The following SPEN variants were observed in gnomAD, a reference collection of about 807,000 sequenced individuals.
The protein encoded by SPEN is spen family transcriptional repressor.
SPEN carries 18 observed loss-of-function variants against 269.9 expected under a neutral mutation model. The observed-to-expected ratio is 0.07, with a 90% confidence interval of 0.05 to 0.10. The LOEUF is 0.10. SPEN is among the 10% of genes least tolerant of loss of function. The pLI, the probability that SPEN is intolerant of heterozygous loss-of-function variation, is 1.00. For missense variants in SPEN, 3,822 were observed against 4,631.2 expected, an observed-to-expected ratio of 0.83 and a Z score of 5.07; for synonymous variants, 1,726 against 1,765.7, an observed-to-expected ratio of 0.98 and a Z score of 0.56.
intron 4 of SPEN, 40 bp downstream of exon 4, chr1:15,909,521 C>A: frequency 6.3e-7 from 1 of 1,588,252 alleles, no homozygotes. Context: ...TGTGCTACTA[C>A]TGAGGAATGA....
chr1:15,889,534 A>G (rs2070770128), intron 3 of SPEN, among the ~76,000 whole-genome samples: 1 of 152,046 alleles, frequency 6.6e-6, no homozygotes, highest in East Asian at 1.9e-4. Context: ...CCCTCTATCA[A>G]TCTGTGTCTT....
rs764406021 is a variant in SPEN, at chr1:15,935,298, A to G, written c.9058A>G (p.Lys3020Glu). Residue 3020 changes from lysine to glutamate, a missense_variant, in exon 11 of 15, where the codon AAG becomes GAG. Physicochemically the swap from Lys to Glu is moderately conservative, Grantham distance 56. Around this residue, in one of 16 missense-constraint regions of SPEN, gnomAD observed 94 missense variants for 90.4 expected, o/e 1.04. Coordinates refer to ENST00000375759, the MANE Select transcript of SPEN (RefSeq NM_015001.3). This position sits in a 1 kb window ranked among gnomAD's most constrained non-coding sequence, Gnocchi z 7.7. ...AACTGTCTCCCATTTGGCAGCTGCA[A>G]AGCTAGATGCTCATTCTCCTCGACC... ...DRTVSHLAAA[K>E]LDAHSPRPSG... 9.9e-6 allele frequency: 16 copies of G among 1,614,066 alleles called. No homozygotes were observed. The highest frequency in any genetic ancestry group is 1.4e-5 in the Non-Finnish European group (16 of 1,179,998).
At chr1:15,859,935 G>T (rs1159334069) in intron 1 of SPEN, among the ~76,000 whole-genome samples, 3 of 57,686 alleles carry the variant, frequency 5.2e-5, no homozygotes, top group Non-Finnish European at 8.9e-5. Context: ...TTTTTGAGAC[G>T]GAGTCTTGCT....
At chr1:15,918,876 A>G in intron 6 of SPEN, 50 bp from the exon 7 acceptor site, 1 of 1,507,604 alleles carries the variant, frequency 6.6e-7, no homozygotes, top group Non-Finnish European at 9.1e-7. Flanking sequence ...GGTTCATTCT[A>G]ATTTATTTTC....
At chr1:15,852,132 A>G (rs1466091209) in intron 1 of SPEN, among the ~76,000 whole-genome samples, 1 of 152,228 alleles carries the variant, frequency 6.6e-6, no homozygotes, top group Non-Finnish European at 1.5e-5. Context: ...GGGACACAAT[A>G]TAAAATATTG....
At chr1:15,868,472 T>C (rs1465739114) in intron 1 of SPEN, among the ~76,000 whole-genome samples, 4 of 151,810 alleles carry the variant, frequency 2.6e-5, no homozygotes, top group Non-Finnish European at 5.9e-5. Context: ...TCTTGCTCTG[T>C]TGCCCAGGCT....
At chr1:15,857,716 A>G (rs945702362) in intron 1 of SPEN, among the ~76,000 whole-genome samples, 1 of 151,414 alleles carries the variant, frequency 6.6e-6, no homozygotes, top group African/African-American at 2.4e-5. Flanking sequence ...GTTGGAGTGT[A>G]ATGGCATAAT....
At position 15,926,384 on chromosome 1, in the gene SPEN, T is replaced by TACACAC. The variant is rs34826146; in HGVS notation, c.1851-1683_1851-1678dup. Among the ~76,000 whole-genome samples, 1,009 of 145,852 alleles carry TACACAC rather than the reference T, an allele frequency of 6.9e-3. 6 individuals carry two copies. The highest frequency in any genetic ancestry group is 0.021 in the Middle Eastern group (6 of 282). ...CTGCACTCCAGCTCAGATATATACA[T>TACACAC]ACACACACACACACACACACACACA... On this transcript the variant is annotated intron_variant, in intron 10 of 14. Coordinates refer to ENST00000375759, the MANE Select transcript of SPEN (RefSeq NM_015001.3).
In SPEN at chr1:15,931,098, C is replaced by T. The variant is rs765980299; in HGVS notation, c.4858C>T (p.Pro1620Ser). The change falls in exon 11 of 15, where the codon CCA (proline) becomes TCA (serine). Residue 1620 changes from proline to serine, a missense_variant. Transcript: ENST00000375759. This position sits in a 1 kb window ranked among gnomAD's most constrained non-coding sequence, Gnocchi z 4.8. ...QEDTENHPKT[P>S]ESAPENKDSE... ...AGATACAGAGAATCATCCCAAGACCCCAGAATCTGCTCCTGAGAATAAAGA... is the reference window on the plus strand; with the variant it reads ...AGATACAGAGAATCATCCCAAGACCTCAGAATCTGCTCCTGAGAATAAAGA... 1.2e-6 allele frequency: 2 copies of T among 1,614,124 alleles called. No homozygotes were observed. The highest frequency in any genetic ancestry group is 4.5e-5 in the East Asian group (2 of 44,884).
chr1:15,874,048 T>A, intron 2 of SPEN: 2 of 1,266,282 alleles, frequency 1.6e-6, no homozygotes, highest in South Asian at 2.8e-5. Flanking sequence ...TCCTCATTCG[T>A]TGGAATTGTA....
intron 3 of SPEN, among the ~76,000 whole-genome samples, chr1:15,881,720 T>A (rs1410485550): frequency 6.6e-6 from 1 of 152,228 alleles, no homozygotes; most frequent in African/African-American, 2.4e-5. Flanking sequence ...CATTATTCCC[T>A]TTTATCAGAT....
intron 1 of SPEN, among the ~76,000 whole-genome samples, chr1:15,857,228 C>A (rs1292463813): frequency 6.6e-6 from 1 of 152,110 alleles, no homozygotes; most frequent in Non-Finnish European, 1.5e-5. Context: ...CCATACTCGG[C>A]TAATTTTTGT....
intron 6 of SPEN, 80 bp from the exon 7 acceptor site, chr1:15,918,842 GAAAT>G (rs969650073): frequency 1.7e-6 from 2 of 1,171,610 alleles, no homozygotes; most frequent in African/African-American, 3.1e-5. Flanking sequence ...ACTTTTTTGA[GAAAT>G]AAATACCCTA....
intron 3 of SPEN, among the ~76,000 whole-genome samples, chr1:15,904,555 A>T (rs768145010): frequency 1.3e-5 from 2 of 151,006 alleles, no homozygotes; most frequent in Non-Finnish European, 2.9e-5. Flanking sequence ...TTGCCACTTC[A>T]CATTATTCAG....
chr1:15,911,312 A>G lies in SPEN; in HGVS notation c.1243+11A>G, dbSNP rs16852078. On this transcript the variant is annotated intron_variant, in intron 5 of 14. Coordinates refer to ENST00000375759, the MANE Select transcript of SPEN (RefSeq NM_015001.3). ...CATGGATAGGTCCAGGTAAGACACA[A>G]GCAAGCTGAGTTTGAGTTACTCATC... 10,282 of 1,612,630 alleles carry G rather than the reference A, an allele frequency of 6.4e-3. 578 individuals carry two copies. In the African/African-American group the frequency reaches 0.12, roughly 19 times the overall value.
chr1:15,873,349 G>A, intron 2 of SPEN: 1 of 985,324 alleles, frequency 1.0e-6, no homozygotes, highest in Non-Finnish European at 1.2e-6. Flanking sequence ...ATCTGTTCCT[G>A]AGATATAATG....
chr1:15,859,906 T>TTTTTTG (rs2070426568), intron 1 of SPEN, among the ~76,000 whole-genome samples: 1 of 15,138 alleles, frequency 6.6e-5, no homozygotes, highest in Non-Finnish European at 1.5e-4. Flanking sequence ...AGTTAACATC[T>TTTTTTG]TTTTTTTTTT....
intron 1 of SPEN, among the ~76,000 whole-genome samples, chr1:15,855,541 G>A (rs930152469): frequency 6.6e-6 from 1 of 152,100 alleles, no homozygotes. Context: ...GAAGTATTTT[G>A]TCTGAACCAG....
At chr1:15,903,405 G>C (rs1433657971) in intron 3 of SPEN, among the ~76,000 whole-genome samples, 1 of 152,150 alleles carries the variant, frequency 6.6e-6, no homozygotes, top group Non-Finnish European at 1.5e-5. Flanking sequence ...AGTGGAACTA[G>C]GTTTCTTTTA....
Sources: allele counts gnomAD v4.1 joint callset (sites outside exome capture counted in the v4.1 genomes callset), GRCh38; gene constraint gnomAD v4.1.1; regional missense constraint gnomAD v4.1.1; non-coding constraint Gnocchi (gnomAD v3.1); transcripts MANE v1.5; gene names NCBI Gene and HGNC (gene_info 2026-07-23, HGNC 2026-07-21).